Variants in ZNF81 observed in about 807,000 individuals in gnomAD.
The protein encoded by ZNF81 is zinc finger protein 81 (HFZ20).
In ZNF81, 5 loss-of-function variants were observed where a neutral mutation model predicts 32.3. The observed-to-expected ratio is 0.15, with a 90% CI of 0.08 to 0.33. The LOEUF is 0.33. ZNF81 is among the 10% of genes least tolerant of loss of function. The probability of loss-of-function intolerance (pLI) is 1.00; values close to 1 mark genes in which losing one functional copy is unlikely to be tolerated. For missense variants in ZNF81, 379 were observed against 479.8 expected (o/e 0.79, Z 1.96); for synonymous variants, 163 against 166.8 (o/e 0.98, Z 0.17).
intron 3 of ZNF81, among the ~76,000 whole-genome samples, chrX:47,891,949 A>T (rs376279261): frequency 1.8e-5 from 2 of 111,663 alleles, no homozygotes; most frequent in African/African-American, 6.5e-5. Context: ...CTTCCCCTTC[A>T]TTCAAGGGGT....
intron 4 of ZNF81, among the ~76,000 whole-genome samples, chrX:47,911,648 T>C (rs1184160757): frequency 5.4e-5 from 6 of 111,806 alleles, no homozygotes; most frequent in South Asian, 3.7e-4. Flanking sequence ...AAGATTGTTA[T>C]TGGAAAGTAA....
chrX:47,916,644 T>C lies in ZNF81; in HGVS notation c.*12T>C. 1 of 1,195,285 alleles carries C rather than the reference T, an allele frequency of 8.4e-7. No homozygotes were observed. The highest frequency in any genetic ancestry group is 1.1e-6 in the Non-Finnish European group (1 of 888,937). The stretch of plus-strand genomic sequence containing the variant: ...ATATTCATACATGAAAGTAATCCTG[T>C]TTCTTGAAAATGAGAGCCTTATAAG... On this transcript the variant is annotated 3_prime_UTR_variant, in exon 5 of 5. Transcript: ENST00000338637.
chrX:47,855,402 G>GT (rs1329316154), intron 2 of ZNF81, among the ~76,000 whole-genome samples: 4 of 110,847 alleles, frequency 3.6e-5, no homozygotes, highest in South Asian at 3.8e-4. Flanking sequence ...CTGAAGTGCA[G>GT]TAAAGTGCAA....
intron 2 of ZNF81, among the ~76,000 whole-genome samples, chrX:47,852,999 C>T (rs1347778135): frequency 8.9e-6 from 1 of 112,364 alleles, no homozygotes; most frequent in Non-Finnish European, 1.9e-5. Context: ...ATGAAAACAA[C>T]ATGAATCTCC....
intron 4 of ZNF81, among the ~76,000 whole-genome samples, chrX:47,908,776 C>A (rs2148041441): frequency 9.0e-6 from 1 of 111,623 alleles, no homozygotes; most frequent in South Asian, 3.7e-4. Flanking sequence ...GCCAGACATG[C>A]AAATGGGTAT....
intron 2 of ZNF81, among the ~76,000 whole-genome samples, chrX:47,881,201 C>CG (rs1569383791): frequency 8.9e-6 from 1 of 111,807 alleles, no homozygotes; most frequent in Non-Finnish European, 1.9e-5. Flanking sequence ...ACAAATAACT[C>CG]GCAATCTTCC....
chrX:47,880,248 C>CT (rs1205181422), intron 2 of ZNF81, among the ~76,000 whole-genome samples: 1 of 112,418 alleles, frequency 8.9e-6, no homozygotes, highest in Non-Finnish European at 1.9e-5. Context: ...GGGTCTTACT[C>CT]TGTCATCCAG....
At chrX:47,886,463 G>T (rs1174094293) in intron 2 of ZNF81, among the ~76,000 whole-genome samples, 1 of 111,271 alleles carries the variant, frequency 9.0e-6, no homozygotes, top group African/African-American at 3.3e-5. Context: ...TTCATTCACA[G>T]AATTTAGGCA....
chrX:47,882,123 A>G (rs781883805), intron 2 of ZNF81, among the ~76,000 whole-genome samples: 1 of 111,412 alleles, frequency 9.0e-6, no homozygotes, highest in South Asian at 3.8e-4. Flanking sequence ...TGAATTGCCC[A>G]GATCTTAAAT....
chrX:47,874,798 C>G (rs1556884332), intron 2 of ZNF81, among the ~76,000 whole-genome samples: 1 of 112,171 alleles, frequency 8.9e-6, no homozygotes, highest in Admixed American at 9.4e-5. Flanking sequence ...ATCTTGTCAC[C>G]TGCATATGGG....
chrX:47,916,109 A>G lies in ZNF81; in HGVS notation c.1463A>G (p.His488Arg), dbSNP rs1195875662. 1 of 1,210,133 alleles carries G rather than the reference A, an allele frequency of 8.3e-7. No individual in the cohort carries two copies. The highest frequency in any genetic ancestry group is 2.2e-5 in the Admixed American group (1 of 45,704). The change falls in exon 5 of 5, where the codon CAT becomes CGT. Residue 488 changes from histidine to arginine, a missense_variant. By Grantham distance (29) the His-to-Arg change is conservative. This residue lies in a region of ZNF81 where 102 missense variants were observed against 173.2 expected (regional missense o/e 0.59). Transcript: ENST00000338637. ...SFPSKSQLQM[H>R]KRIHTGEKPY... ...CCTTCTAAGTCACAACTCCAGATGC[A>G]TAAGAGAATTCATACAGGAGAGAAA...
chrX:47,840,971 G>A (rs2058446825), intron 1 of ZNF81: 1 of 616,307 alleles, frequency 1.6e-6, no homozygotes. Context: ...GTCTAGTTCA[G>A]CTGGTGGATG....
chrX:47,904,846 A>T (rs1196682455), intron 4 of ZNF81, among the ~76,000 whole-genome samples: 5 of 111,752 alleles, frequency 4.5e-5, no homozygotes, highest in Non-Finnish European at 9.4e-5. Context: ...GGATTAAGAA[A>T]ATGTGGCACA....
At chrX:47,851,987 C>A (rs782086473) in intron 2 of ZNF81, among the ~76,000 whole-genome samples, 1 of 112,178 alleles carries the variant, frequency 8.9e-6, no homozygotes, top group Non-Finnish European at 1.9e-5. Flanking sequence ...TTAGCATATA[C>A]AGGCATACCT....
At chrX:47,847,572 T>C (rs1556880675) in intron 2 of ZNF81, among the ~76,000 whole-genome samples, 2 of 111,974 alleles carry the variant, frequency 1.8e-5, no homozygotes, top group African/African-American at 6.5e-5. Flanking sequence ...CTTTCTCAGT[T>C]TGATACAGAG....
intron 3 of ZNF81, among the ~76,000 whole-genome samples, chrX:47,888,733 C>T (rs782060886): frequency 1.8e-5 from 2 of 111,188 alleles, no homozygotes; most frequent in Non-Finnish European, 3.8e-5. Flanking sequence ...AATTGGGTAA[C>T]GGGTAGAGGC....
chrX:47,836,903 G>T lies in ZNF81; in HGVS notation c.-248G>T. 4.2e-6 allele frequency: 1 copy of T among 237,972 alleles called. No homozygotes were observed. The highest frequency in any genetic ancestry group is 5.2e-5 in the Admixed American group (1 of 19,179). 19.6% of individuals were successfully genotyped at this position (237,972 alleles called of 1,213,427 possible). ...AGGGCGGTGCTAGGGGTAGTGACCG[G>T]AAGCGGCTGCGGTTCTCGCCGGTTC... is the stretch of plus-strand genomic sequence containing the variant. On this transcript the variant is annotated 5_prime_UTR_variant, in exon 1 of 5. Transcript: ENST00000338637.
chrX:47,887,898 G>A lies in ZNF81; in HGVS notation c.55-101G>A, dbSNP rs59774448. 4,835 of 1,003,607 alleles carry A rather than the reference G, an allele frequency of 4.8e-3. 117 individuals carry two copies. In the African/African-American group the frequency reaches 0.071, roughly 15 times the overall value. 82.7% of individuals were successfully genotyped at this position (1,003,607 alleles called of 1,213,427 possible). A position where few individuals can be genotyped will look rare whatever the true frequency, so the allele number is the denominator to read the frequency against. On this transcript the variant is annotated intron_variant, in intron 2 of 4. Transcript: ENST00000338637. ...AAGTATTTAATGGGCATACCATATC[G>A]TATATTATGATGAAAAAGTATCAAA...
chrX:47,910,289 T>C (rs2058735310), intron 4 of ZNF81, among the ~76,000 whole-genome samples: 1 of 111,483 alleles, frequency 9.0e-6, no homozygotes, highest in South Asian at 3.8e-4. Flanking sequence ...CTACCATGAG[T>C]GAACAGGCAA....
Sources: gnomAD v4.1 joint callset for allele counts (sites outside exome capture counted in the v4.1 genomes callset) on GRCh38, gnomAD v4.1.1 for gene constraint, gnomAD v4.1.1 regional missense constraint, MANE v1.5 for transcripts, NCBI Gene and HGNC (gene_info 2026-07-23, HGNC 2026-07-21) for gene names.